CHODL: variants seen among roughly 807,000 people sequenced by gnomAD.
CHODL encodes the protein chondrolectin.
A neutral mutation model predicts 34.5 loss-of-function variants in CHODL; 29 were observed. The observed-to-expected ratio is 0.84, with a 90% CI of 0.63 to 1.15. The LOEUF (loss-of-function observed/expected upper bound fraction) is 1.15. Ranked by LOEUF, CHODL falls within the 50% of genes most tolerant of loss-of-function variation. The probability of loss-of-function intolerance (pLI) is 0.00; values close to 1 mark genes in which losing one functional copy is unlikely to be tolerated. For missense variants in CHODL, 332 were observed against 332.5 expected (o/e 1.00, Z 0.01); for synonymous variants, 125 against 116.1 (o/e 1.08, Z -0.49).
intron 2 of CHODL, among the ~76,000 whole-genome samples, chr21:18,174,121 G>GTATATATATATATATATATA (rs1491107369): frequency 3.3e-5 from 2 of 60,898 alleles, no homozygotes; most frequent in Non-Finnish European, 7.6e-5. Context: ...ATATATCTTG[G>GTATATATATATATATATATA]TGTATATATA....
At chr21:18,231,764 T>G (rs1044626379) in intron 2 of CHODL, among the ~76,000 whole-genome samples, 6 of 152,004 alleles carry the variant, frequency 3.9e-5, no homozygotes, top group African/African-American at 9.7e-5. Flanking sequence ...AAGGGCCTGG[T>G]TAGGTGTTCT....
intron 2 of CHODL, among the ~76,000 whole-genome samples, chr21:18,051,421 T>G (rs1276321305): frequency 6.6e-6 from 1 of 151,812 alleles, no homozygotes; most frequent in Non-Finnish European, 1.5e-5. Flanking sequence ...TTTTTTTATT[T>G]TTTCCGTAGA....
At chr21:18,039,248 TAA>T (rs1182524382) in intron 2 of CHODL, among the ~76,000 whole-genome samples, 2 of 151,886 alleles carry the variant, frequency 1.3e-5, no homozygotes, top group Non-Finnish European at 3.0e-5. Flanking sequence ...AGATATTCAT[TAA>T]GTTTGCTATT....
chr21:18,264,908 A>C (rs1297550746), intron 5 of CHODL, among the ~76,000 whole-genome samples: 1 of 152,062 alleles, frequency 6.6e-6, no homozygotes, highest in Non-Finnish European at 1.5e-5. Context: ...GCAGAGCCGG[A>C]GAAGCGATGG....
chr21:18,012,907 C>T (rs757202765), intron 1 of CHODL, among the ~76,000 whole-genome samples: 14 of 150,360 alleles, frequency 9.3e-5, no homozygotes, highest in Admixed American at 3.3e-4. Context: ...GTATTGCTGT[C>T]GTTCAGTAAA....
intron 2 of CHODL, among the ~76,000 whole-genome samples, chr21:18,095,834 C>T (rs1366256752): frequency 6.6e-6 from 1 of 152,146 alleles, no homozygotes; most frequent in Non-Finnish European, 1.5e-5. Context: ...CCCAGGGATG[C>T]AAGGATGGTT....
At chr21:18,158,071 G>T (rs1601083581) in intron 2 of CHODL, among the ~76,000 whole-genome samples, 1 of 141,294 alleles carries the variant, frequency 7.1e-6, no homozygotes, top group African/African-American at 2.6e-5. Context: ...ATTCCAAAAG[G>T]TTTTTTTTTT....
intron 1 of CHODL, among the ~76,000 whole-genome samples, chr21:17,948,877 G>A (rs932295153): frequency 2.0e-5 from 3 of 152,064 alleles, no homozygotes; most frequent in African/African-American, 7.2e-5. Flanking sequence ...AAAAATCGAA[G>A]AGGTAGAAGT....
chr21:18,065,131 G>T (rs1233890474), intron 2 of CHODL, among the ~76,000 whole-genome samples: 1 of 152,158 alleles, frequency 6.6e-6, no homozygotes, highest in Non-Finnish European at 1.5e-5. Context: ...GCCAGCACTT[G>T]CTCTTGAAAC....
chr21:18,075,636 G>A lies in CHODL; in HGVS notation c.-45+47665G>A, dbSNP rs559216512. 9.2e-5 allele frequency among the ~76,000 whole-genome samples: 14 copies of A among 152,250 alleles called. No individual in the cohort carries two copies. The South Asian group carries it at 2.7e-3, about 29-fold the overall frequency. On this transcript the variant is annotated intron_variant, in intron 2 of 6. Coordinates refer to the CHODL transcript ENST00000400127. ...GGTACATGGTATTTAATCAATGGTA[G>A]CTATTTTTATAATGATAACTTCCAC...
intron 1 of CHODL, among the ~76,000 whole-genome samples, chr21:17,961,272 T>G (rs963311226): frequency 1.3e-5 from 2 of 152,220 alleles, no homozygotes; most frequent in African/African-American, 4.8e-5. Context: ...CATTGAAGTG[T>G]CAATTGTCCA....
chr21:17,997,403 C>T (rs572864718), intron 1 of CHODL, among the ~76,000 whole-genome samples: 18 of 152,274 alleles, frequency 1.2e-4, no homozygotes, highest in Admixed American at 9.8e-4. Flanking sequence ...GCAAGAAAGG[C>T]CATACTAGGC....
intron 5 of CHODL, among the ~76,000 whole-genome samples, chr21:18,265,571 G>A (rs1366661900): frequency 1.3e-5 from 2 of 151,996 alleles, no homozygotes; most frequent in African/African-American, 2.4e-5. Flanking sequence ...ATTGGGTACA[G>A]TGTATACTAC....
At chr21:17,943,787 A>C (rs1162490531) in intron 1 of CHODL, among the ~76,000 whole-genome samples, 1 of 152,200 alleles carries the variant, frequency 6.6e-6, no homozygotes, top group Non-Finnish European at 1.5e-5. Flanking sequence ...CAGTTTCTAC[A>C]ATGGGGAAAG....
At chr21:18,108,070 A>G (rs1172075675) in intron 2 of CHODL, among the ~76,000 whole-genome samples, 1 of 151,968 alleles carries the variant, frequency 6.6e-6, no homozygotes, top group African/African-American at 2.4e-5. Flanking sequence ...ATTTCCATTT[A>G]CACCATTGTG....
chr21:18,196,956 A>T (rs570620425), intron 2 of CHODL, among the ~76,000 whole-genome samples: 15 of 152,276 alleles, frequency 9.9e-5, no homozygotes, highest in African/African-American at 3.1e-4. Context: ...AAGAAAATAG[A>T]TCCTATATGT....
chr21:18,253,410 A>G (rs1005482845), intron 1 of CHODL, among the ~76,000 whole-genome samples: 1 of 152,146 alleles, frequency 6.6e-6, no homozygotes, highest in African/African-American at 2.4e-5. Flanking sequence ...TCCAAGGCAG[A>G]AAGTTCTTGG....
chr21:18,255,653 C>A (rs985576215), intron 1 of CHODL, among the ~76,000 whole-genome samples: 1 of 152,096 alleles, frequency 6.6e-6, no homozygotes, highest in African/African-American at 2.4e-5. Context: ...ATGATATATT[C>A]ATTCCACTGT....
chr21:18,093,090 A>G (rs1052386383), intron 2 of CHODL, among the ~76,000 whole-genome samples: 1 of 152,210 alleles, frequency 6.6e-6, no homozygotes, highest in Non-Finnish European at 1.5e-5. Flanking sequence ...AAGCAGCAAG[A>G]GAAAAGAAAC....
Sources: gnomAD v4.1 joint callset for allele counts (sites outside exome capture counted in the v4.1 genomes callset) on GRCh38, gnomAD v4.1.1 for gene constraint, MANE v1.5 for transcripts, NCBI Gene and HGNC (gene_info 2026-07-23, HGNC 2026-07-21) for gene names.